The following FAM168A variants were observed in gnomAD, a reference collection of about 807,000 sequenced individuals.
FAM168A encodes protein FAM168A.
Under a neutral mutation model 28.5 loss-of-function variants are expected in FAM168A, and 3 were observed. The ratio of observed to expected loss-of-function variants is 0.11; its 90% CI spans 0.05 to 0.27. FAM168A has a LOEUF of 0.27. Among genes scored for constraint, FAM168A ranks in the 10% least tolerant of loss-of-function variants. FAM168A has a pLI of 1.00. For synonymous variants in FAM168A, 122 were observed against 124.2 expected (o/e 0.98, Z 0.12); for missense variants, 222 against 311.5 (o/e 0.71, Z 2.16).
intron 2 of FAM168A, among the ~76,000 whole-genome samples, chr11:73,433,074 G>A (rs938571489): frequency 1.8e-5 from 2 of 108,604 alleles, no homozygotes; most frequent in South Asian, 5.5e-4. Flanking sequence ...ACCACGCCCC[G>A]CCTTTTTTTT....
chr11:73,459,273 A>C (rs1246329796), intron 2 of FAM168A, among the ~76,000 whole-genome samples: 1 of 151,856 alleles, frequency 6.6e-6, no homozygotes, highest in Non-Finnish European at 1.5e-5. Context: ...TTTTTGTAGA[A>C]ATGAGGTCTC....
intron 1 of FAM168A, among the ~76,000 whole-genome samples, chr11:73,544,829 A>C (rs1168502679): frequency 3.2e-5 from 3 of 93,870 alleles, no homozygotes; most frequent in African/African-American, 1.3e-4. Context: ...TAAATTTATT[A>C]TATATAATAT....
Position 73,526,880 on chromosome 11 carries a change from A to C in FAM168A, c.-18-58388T>G, listed in dbSNP as rs1362336115. 2.0e-5 allele frequency among the ~76,000 whole-genome samples: 3 copies of C among 151,474 alleles called. No homozygotes were observed. The East Asian group carries it at 5.8e-4, about 29-fold the overall frequency. ...CAAGACTCCATCTCAAAAAAAAAAAAAAAAAAAAAAAAACGGAGAGAAATG... is the reference window on the plus strand; with the variant it reads ...CAAGACTCCATCTCAAAAAAAAAAACAAAAAAAAAAAAACGGAGAGAAATG... On this transcript the variant is annotated intron_variant, in intron 1 of 7. Coordinates refer to ENST00000356467, the MANE Select transcript of FAM168A (RefSeq NM_015159.3).
At chr11:73,564,742 CAAAA>C (rs1294055661) in intron 1 of FAM168A, among the ~76,000 whole-genome samples, 32 of 50,176 alleles carry the variant, frequency 6.4e-4, no homozygotes, top group Non-Finnish European at 3.2e-4. Flanking sequence ...GACTCCGTCA[CAAAA>C]AAAAAAAAAA....
At chr11:73,432,475 T>C (rs1867012194) in intron 2 of FAM168A, among the ~76,000 whole-genome samples, 1 of 152,146 alleles carries the variant, frequency 6.6e-6, no homozygotes, top group Non-Finnish European at 1.5e-5. Context: ...AGCCATCCTA[T>C]AGTAAGTGTG....
At chr11:73,459,351 T>C (rs1362896134) in intron 2 of FAM168A, among the ~76,000 whole-genome samples, 2 of 151,800 alleles carry the variant, frequency 1.3e-5, no homozygotes, top group African/African-American at 4.8e-5. Flanking sequence ...CCGGGCGTGG[T>C]GGCATGCGCC....
intron 1 of FAM168A, among the ~76,000 whole-genome samples, chr11:73,498,916 C>T (rs1854946330): frequency 6.6e-6 from 1 of 152,190 alleles, no homozygotes; most frequent in African/African-American, 2.4e-5. Flanking sequence ...TTCTTTGGAC[C>T]AGCAGGCTTA....
intron 2 of FAM168A, among the ~76,000 whole-genome samples, chr11:73,441,420 C>A (rs1369457625): frequency 6.6e-6 from 1 of 152,178 alleles, no homozygotes; most frequent in African/African-American, 2.4e-5. Flanking sequence ...CAAAACAATG[C>A]TCCTATTTTG....
intron 2 of FAM168A, among the ~76,000 whole-genome samples, chr11:73,460,446 T>TGCTA (rs532953944): frequency 1.1e-3 from 160 of 151,890 alleles, no homozygotes; most frequent in African/African-American, 3.8e-3. Flanking sequence ...CCAGTCACTG[T>TGCTA]GCTAGGTACT....
intron 1 of FAM168A, among the ~76,000 whole-genome samples, chr11:73,533,536 T>C (rs1180175236): frequency 2.0e-5 from 3 of 150,618 alleles, no homozygotes; most frequent in Admixed American, 2.0e-4. Context: ...ATATTCTCTG[T>C]TGTGTTTCAC....
chr11:73,450,077 G>C (rs1867398824), intron 2 of FAM168A, among the ~76,000 whole-genome samples: 1 of 152,178 alleles, frequency 6.6e-6, no homozygotes, highest in Admixed American at 6.5e-5. Flanking sequence ...AATGTGCAAG[G>C]GAAAAGAAAA....
chr11:73,547,325 T>TA lies in FAM168A; in HGVS notation c.-19+50597dup, dbSNP rs200867927. Among the ~76,000 whole-genome samples the TA allele has an allele frequency of 6.2e-3, 931 of 149,154 alleles. 8 individuals are homozygous for TA. The highest frequency in any genetic ancestry group is 0.028 in the Middle Eastern group (8 of 290). ...TCATATCCATTATGATGGCAGGTAT[T>TA]AAAAAAAAAATCCAAGACAAAATAG... On this transcript the variant is annotated intron_variant, in intron 1 of 7. Transcript: ENST00000356467.
At chr11:73,472,510 A>G (rs1867829840) in intron 1 of FAM168A, among the ~76,000 whole-genome samples, 1 of 152,238 alleles carries the variant, frequency 6.6e-6, no homozygotes, top group Non-Finnish European at 1.5e-5. Context: ...TATTCTAAAT[A>G]AGATGGGAAG....
rs1866973466 is a variant in FAM168A, at chr11:73,430,725, C to A, written c.116G>T (p.Ser39Ile). ...ACTGGGACTATTGGTGGGGTACAGGCTGGGATTGTAGGCAGGGGCAGCTGC... is the reference window on the plus strand; with the variant it reads ...ACTGGGACTATTGGTGGGGTACAGGATGGGATTGTAGGCAGGGGCAGCTGC... ...YPAAAPAYNP[S>I]LYPTNSPSYA... The change falls in exon 3 of 8, where the codon AGC becomes ATC. Residue 39 changes from serine to isoleucine, a missense_variant. Physicochemically the swap from Ser to Ile is moderately radical, Grantham distance 142. Around this residue, in one of 3 missense-constraint regions of FAM168A, gnomAD observed 153 missense variants for 189.2 expected, o/e 0.81. Coordinates refer to ENST00000356467, the MANE Select transcript of FAM168A (RefSeq NM_015159.3). The A allele has an allele frequency of 4.3e-6, 7 of 1,613,710 alleles. No individual in the cohort carries two copies. The highest frequency in any genetic ancestry group is 5.9e-6 in the Non-Finnish European group (7 of 1,179,762).
chr11:73,402,718 T>C lies in FAM168A; in HGVS notation c.*4045A>G, dbSNP rs996641015. The C allele has an allele frequency of 2.0e-5, 3 of 152,248 alleles. No individual in the cohort carries two copies. The highest frequency in any genetic ancestry group is 2.9e-5 in the Non-Finnish European group (2 of 68,066). The allele number at this position is 152,248 out of a possible 1,614,324, so 9.4% of individuals were successfully genotyped here. A position where few individuals can be genotyped will look rare whatever the true frequency, so the allele number is the denominator to read the frequency against. ...GGTCTCCCAATAGAAAGATGCCTCGTGCTGTCCTTGAACATGTCTTCGGTC... is the reference window on the plus strand; with the variant it reads ...GGTCTCCCAATAGAAAGATGCCTCGCGCTGTCCTTGAACATGTCTTCGGTC... On this transcript the variant is annotated 3_prime_UTR_variant, in exon 8 of 8. Coordinates refer to ENST00000356467, the MANE Select transcript of FAM168A (RefSeq NM_015159.3).
chr11:73,446,124 T>G (rs1012475726), intron 2 of FAM168A, among the ~76,000 whole-genome samples: 1 of 152,266 alleles, frequency 6.6e-6, no homozygotes, highest in Admixed American at 6.5e-5. Flanking sequence ...TGGGATTGAA[T>G]TAGAAGGTAC....
At chr11:73,497,581 T>C (rs954902670) in intron 1 of FAM168A, among the ~76,000 whole-genome samples, 14 of 152,178 alleles carry the variant, frequency 9.2e-5, no homozygotes, top group Admixed American at 8.5e-4. Context: ...TATGTGGCTA[T>C]TGAACAGCAC....
At chr11:73,437,159 G>A (rs1867103602) in intron 2 of FAM168A, among the ~76,000 whole-genome samples, 2 of 151,572 alleles carry the variant, frequency 1.3e-5, no homozygotes, top group Admixed American at 6.6e-5. Context: ...GTGCAGTGGC[G>A]CTATCTCGGC....
intron 1 of FAM168A, among the ~76,000 whole-genome samples, chr11:73,538,341 C>CCA (rs1943608630): frequency 7.5e-6 from 1 of 133,728 alleles, no homozygotes; most frequent in Admixed American, 7.5e-5. Context: ...AAACAAAAAA[C>CCA]AAAAAAAAAA....
Sources: gnomAD v4.1 joint callset for allele counts (sites outside exome capture counted in the v4.1 genomes callset) on GRCh38, gnomAD v4.1.1 for gene constraint, gnomAD v4.1.1 regional missense constraint, MANE v1.5 for transcripts, NCBI Gene and HGNC (gene_info 2026-07-23, HGNC 2026-07-21) for gene names.